The following IMPG1 variants were observed in gnomAD, a reference collection of about 807,000 sequenced individuals.
The protein encoded by IMPG1 is interphotoreceptor matrix proteoglycan 1.
In IMPG1, 85 loss-of-function variants were observed where a neutral mutation model predicts 92.0. The observed-to-expected ratio is 0.92, with a 90% CI of 0.78 to 1.11. The LOEUF is 1.11. Ranked by LOEUF, IMPG1 falls within the 50% of genes least tolerant of loss-of-function variation. The pLI, the probability that IMPG1 is intolerant of heterozygous loss-of-function variation, is 0.00. For missense variants in IMPG1, 1,022 were observed against 956.0 expected, an observed-to-expected ratio of 1.07 and a Z score of -0.91; for synonymous variants, 367 against 334.1, an observed-to-expected ratio of 1.10 and a Z score of -1.08.
At chr6:75,969,470 G>A (rs185143676) in intron 12 of IMPG1, among the ~76,000 whole-genome samples, 1 of 152,166 alleles carries the variant, frequency 6.6e-6, no homozygotes, top group Admixed American at 6.5e-5. Flanking sequence ...GGCTGGACAT[G>A]GTGGCTCATG....
intron 1 of IMPG1, among the ~76,000 whole-genome samples, chr6:76,046,194 C>T (rs1783938990): frequency 6.6e-6 from 1 of 152,148 alleles, no homozygotes; most frequent in South Asian, 2.1e-4. Context: ...CACCAAGCTA[C>T]AGCTACTTCC....
intron 12 of IMPG1, among the ~76,000 whole-genome samples, chr6:75,967,382 T>C (rs977792707): frequency 6.6e-6 from 1 of 152,078 alleles, no homozygotes; most frequent in African/African-American, 2.4e-5. Flanking sequence ...AGGATTAGCA[T>C]TCTTATAAAA....
rs35490140 is a variant in IMPG1 at position 75,965,606 on chromosome 6, C to CTTTTTTTTT, written c.1292-14521_1292-14513dup. On this transcript the variant is annotated intron_variant, in intron 12 of 16. Transcript: ENST00000369950. ...TGTTTATATTTTCTACATACTTGTT[C>CTTTTTTTTT]TTTTTTTTTTTTTTTTTTTGAGACG... is the stretch of plus-strand genomic sequence containing the variant. Among the ~76,000 whole-genome samples, 272 of 112,458 alleles carry CTTTTTTTTT rather than the reference C, an allele frequency of 2.4e-3. 1 individual carries two copies. The highest frequency in any genetic ancestry group is 2.9e-3 in the Non-Finnish European group (175 of 59,916). The allele number at this position is 112,458 out of a possible 152,430, so 73.8% of individuals were successfully genotyped here. A position where few individuals can be genotyped will look rare whatever the true frequency, so the allele number is the denominator to read the frequency against.
At chr6:75,973,296 C>T (rs1056029498) in intron 12 of IMPG1, among the ~76,000 whole-genome samples, 3 of 129,442 alleles carry the variant, frequency 2.3e-5, no homozygotes. Context: ...CTACTTTCCC[C>T]CCCGCCCAAA....
intron 1 of IMPG1, among the ~76,000 whole-genome samples, chr6:76,062,673 CCAAA>C (rs1582138258): frequency 6.6e-6 from 1 of 152,070 alleles, no homozygotes; most frequent in East Asian, 1.9e-4. Context: ...TTTTCTCTCC[CCAAA>C]CACTTTTCTA....
chr6:76,020,111 A>G (rs1783392020), intron 6 of IMPG1, among the ~76,000 whole-genome samples: 1 of 151,982 alleles, frequency 6.6e-6, no homozygotes, highest in Admixed American at 6.6e-5. Context: ...CTGGAGTGCA[A>G]TGGCGATCAC....
At chr6:76,038,268 C>T (rs1004088200) in intron 2 of IMPG1, among the ~76,000 whole-genome samples, 1 of 152,194 alleles carries the variant, frequency 6.6e-6, no homozygotes, top group Non-Finnish European at 1.5e-5. Context: ...TACTCAAAAC[C>T]TTCCATAAGG....
Position 76,005,507 on chromosome 6 carries a change from CG to C in IMPG1, c.914del (p.Thr305ArgfsTer54). ...CTGCACTGTGTCTCTTAAAGATGGC[CG>C]TAAGTTGCATCTCTGTGGAGCTTGA... ...DGSSSTEMQL[T>X]AIFKRHSAEA... On this transcript the variant is annotated frameshift_variant, in exon 10 of 17. Transcript: ENST00000369950. LOFTEE classifies it high-confidence loss of function. The C allele has an allele frequency of 5.0e-6, 8 of 1,613,796 alleles. No homozygotes were observed. The highest frequency in any genetic ancestry group is 6.8e-6 in the Non-Finnish European group (8 of 1,179,908).
At chr6:75,928,295 G>A (rs1289199295) in intron 15 of IMPG1, among the ~76,000 whole-genome samples, 2 of 151,910 alleles carry the variant, frequency 1.3e-5, no homozygotes, top group Admixed American at 1.3e-4. Flanking sequence ...CACCTCCTGG[G>A]TTCAAGTGAT....
At chr6:76,046,242 T>G (rs574561965) in intron 1 of IMPG1, among the ~76,000 whole-genome samples, 29 of 152,248 alleles carry the variant, frequency 1.9e-4, no homozygotes, top group African/African-American at 6.5e-4. Flanking sequence ...TTTAGGTAGT[T>G]CTAAAAAGCG....
In IMPG1 at chr6:76,072,493, G is replaced by T; in HGVS notation, c.-5C>A. On this transcript the variant is annotated 5_prime_UTR_variant, in exon 1 of 17. Transcript: ENST00000369950. ...TCTTCTAGTTTCCAAATACATTCTG[G>T]CTTTTGTGCATTGGTAATTCTGATA... 1.3e-6 allele frequency: 2 copies of T among 1,576,590 alleles called. No individual in the cohort carries two copies. The highest frequency in any genetic ancestry group is 1.7e-5 in the Admixed American group (1 of 57,234).
In IMPG1 at chr6:76,072,231, G is replaced by A. The variant is rs150178971; in HGVS notation, c.67+191C>T. 3.6e-3 allele frequency among the ~76,000 whole-genome samples: 546 copies of A among 152,194 alleles called. 2 individuals carry two copies. The highest frequency in any genetic ancestry group is 6.5e-3 in the Non-Finnish European group (445 of 67,994). ...TAATCTTCACTGCACTTAAGACCAT[G>A]TAGTAAATATTAAATCAAGTGAAAA... On this transcript the variant is annotated intron_variant, in intron 1 of 16. Transcript: ENST00000369950.
chr6:75,924,527 TTATAA>T (rs371596517), intron 15 of IMPG1, among the ~76,000 whole-genome samples: 1 of 50,372 alleles, frequency 2.0e-5, no homozygotes, highest in Non-Finnish European at 3.6e-5. Context: ...TAATTATATA[TTATAA>T]TATAATTATA....
intron 12 of IMPG1, among the ~76,000 whole-genome samples, chr6:75,994,087 T>G (rs1782859066): frequency 6.6e-6 from 1 of 152,202 alleles, no homozygotes; most frequent in Admixed American, 6.5e-5. Flanking sequence ...ACTCCTGCAG[T>G]GTGTTAGGGT....
intron 1 of IMPG1, among the ~76,000 whole-genome samples, chr6:76,048,141 G>C (rs75684056): frequency 2.0e-5 from 3 of 152,194 alleles, no homozygotes; most frequent in Admixed American, 1.3e-4. Context: ...GACAGGCAAA[G>C]CCATAATCAT....
chr6:75,961,618 A>G (rs1425310965), intron 12 of IMPG1, among the ~76,000 whole-genome samples: 2 of 152,208 alleles, frequency 1.3e-5, no homozygotes, highest in Non-Finnish European at 2.9e-5. Flanking sequence ...GAGGCAGAAA[A>G]GGGGATGGAA....
At position 76,002,339 on chromosome 6, in the gene IMPG1, C is replaced by T. The variant is rs535544977; in HGVS notation, c.1291+579G>A. ...ACTGTGAAAAAGTTTGATACTATTG[C>T]CTCAAAATTAACCTTCTTGGAGATT... is the stretch of plus-strand genomic sequence containing the variant. On this transcript the variant is annotated intron_variant, in intron 12 of 16. Transcript: ENST00000369950. Among the ~76,000 whole-genome samples, 4 of 152,288 alleles carry T rather than the reference C, an allele frequency of 2.6e-5. No homozygotes were observed. The South Asian group carries it at 6.2e-4, about 24-fold the overall frequency.
At chr6:76,016,225 A>G (rs1019996292) in intron 7 of IMPG1, among the ~76,000 whole-genome samples, 2 of 152,192 alleles carry the variant, frequency 1.3e-5, no homozygotes, top group Non-Finnish European at 1.5e-5. Flanking sequence ...AATTTCTCAG[A>G]GCTAATTTTT....
At chr6:76,007,549 A>G in intron 8 of IMPG1, 49 bp from the exon 9 acceptor site, 1 of 1,348,252 alleles carries the variant, frequency 7.4e-7, no homozygotes, top group Non-Finnish European at 1.0e-6. Context: ...AAAAAAATTT[A>G]ATGACATTTA....
Sources: allele counts gnomAD v4.1 joint callset (sites outside exome capture counted in the v4.1 genomes callset), GRCh38; gene constraint gnomAD v4.1.1; transcripts MANE v1.5; gene names NCBI Gene and HGNC (gene_info 2026-07-23, HGNC 2026-07-21).